MAP3K13: variants seen among roughly 807,000 people sequenced by gnomAD.
MAP3K13 encodes mitogen-activated protein kinase kinase kinase 13, also known as leucine zipper-bearing kinase.
Under a neutral mutation model 104.0 loss-of-function variants are expected in MAP3K13, and 52 were observed. The ratio of observed to expected loss-of-function variants is 0.50; its 90% CI spans 0.40 to 0.63. The LOEUF (loss-of-function observed/expected upper bound fraction) is 0.63, where lower values mean the gene tolerates loss of function less well. MAP3K13 is among the 20% of genes least tolerant of loss of function. MAP3K13 has a pLI of 0.00. For missense variants in MAP3K13, 914 were observed against 1,218.5 expected, an observed-to-expected ratio of 0.75 and a Z score of 3.72; for synonymous variants, 394 against 442.2, an observed-to-expected ratio of 0.89 and a Z score of 1.37.
chr3:185,309,091 C>T (rs1275246336), intron 2 of MAP3K13, among the ~76,000 whole-genome samples: 1 of 152,132 alleles, frequency 6.6e-6, no homozygotes, highest in East Asian at 1.9e-4. Context: ...CTCATCTTAA[C>T]TTGATTATAT....
chr3:185,389,699 A>AT (rs750432553), intron 1 of MAP3K13, among the ~76,000 whole-genome samples: 15 of 151,798 alleles, frequency 9.9e-5, no homozygotes, highest in Non-Finnish European at 2.1e-4. Context: ...TTCAGGACCG[A>AT]TAAAAAAAAA....
At chr3:185,429,974 C>T (rs945548983) in intron 2 of MAP3K13, among the ~76,000 whole-genome samples, 12 of 151,998 alleles carry the variant, frequency 7.9e-5, no homozygotes, top group African/African-American at 2.7e-4. Flanking sequence ...CTAAGGGGAG[C>T]GGATCACCTG....
intron 2 of MAP3K13, among the ~76,000 whole-genome samples, chr3:185,302,636 G>T (rs1374444441): frequency 1.3e-5 from 2 of 151,934 alleles, no homozygotes; most frequent in African/African-American, 2.4e-5. Flanking sequence ...TTTTCAGATT[G>T]GTCATTGTTA....
At position 185,443,521 on chromosome 3, in the gene MAP3K13, C is replaced by A. The variant is rs759336796; in HGVS notation, c.736C>A (p.Arg246=). The A allele has an allele frequency of 2.3e-5, 37 of 1,613,982 alleles. No individual in the cohort carries two copies. The Middle Eastern group carries it at 9.9e-4, about 43-fold the overall frequency. The stretch of plus-strand genomic sequence containing the variant: ...CCATGGACAACTCTACGAGGTCTTA[C>A]GAGCTGGCAGGAAGATCACACCTCG... ...CAHGQLYEVL[R]AGRKITPRLL... is the part of the protein sequence containing the mutation. Residue 246 remains arginine (R), a synonymous_variant, in exon 4 of 14, where the codon CGA becomes AGA. Coordinates refer to ENST00000265026, the MANE Select transcript of MAP3K13 (RefSeq NM_004721.5).
At chr3:185,331,961 C>T (rs2108708429) in intron 2 of MAP3K13, among the ~76,000 whole-genome samples, 1 of 152,174 alleles carries the variant, frequency 6.6e-6, no homozygotes. Context: ...TAGAGAGTGT[C>T]CTCATTTTTA....
At chr3:185,351,053 C>T (rs1394673075) in intron 2 of MAP3K13, among the ~76,000 whole-genome samples, 2 of 152,126 alleles carry the variant, frequency 1.3e-5, no homozygotes, top group Admixed American at 6.6e-5. Context: ...GATAATATTC[C>T]GTGCAGCAAC....
chr3:185,473,480 C>G lies in MAP3K13; in HGVS notation c.2149C>G (p.Gln717Glu). 1 of 1,614,236 alleles carries G rather than the reference C, an allele frequency of 6.2e-7. No homozygotes were observed. Among genetic ancestry groups the G allele is most frequent in the Non-Finnish European group, 8.5e-7 (1 of 1,180,044 alleles). Residue 717 changes from glutamine (Q) to glutamate (E), a missense_variant, in exon 11 of 14, where the codon CAA becomes GAA. By Grantham distance (29) the Gln-to-Glu change is conservative. Transcript: ENST00000265026. This position sits in a 1 kb window ranked among gnomAD's most constrained non-coding sequence, Gnocchi z 4.9. Reference protein sequence around the residue: ...CWRSSEPDKGQAGPWGCCQAD... With the variant: ...CWRSSEPDKGEAGPWGCCQAD... Reference sequence around the variant, plus strand: ...GAGAAGTTCTGAGCCTGACAAGGGCCAAGCTGGTCCCTGGGGCTGTTGCCA... The same window carrying G: ...GAGAAGTTCTGAGCCTGACAAGGGCGAAGCTGGTCCCTGGGGCTGTTGCCA...
intron 1 of MAP3K13, among the ~76,000 whole-genome samples, chr3:185,283,333 C>CT (rs1360271595): frequency 1.3e-5 from 2 of 152,058 alleles, no homozygotes; most frequent in Non-Finnish European, 2.9e-5. Context: ...GAGACGGAGC[C>CT]TGGGGCACTG....
chr3:185,463,476 T>C, intron 7 of MAP3K13, 74 bp from the exon 8 acceptor site: 1 of 817,380 alleles, frequency 1.2e-6, no homozygotes, highest in East Asian at 2.5e-5. Flanking sequence ...AAAAAAATCT[T>C]GTACGTGACT....
At chr3:185,320,932 A>C (rs1350485999) in intron 2 of MAP3K13, among the ~76,000 whole-genome samples, 1 of 152,224 alleles carries the variant, frequency 6.6e-6, no homozygotes, top group African/African-American at 2.4e-5. Flanking sequence ...GATTGGAAGC[A>C]TAGTACCAAT....
chr3:185,324,893 C>T (rs1266353749), intron 2 of MAP3K13, among the ~76,000 whole-genome samples: 1 of 151,692 alleles, frequency 6.6e-6, no homozygotes, highest in Non-Finnish European at 1.5e-5. Flanking sequence ...CATGTCTTTA[C>T]TTACAAGGTA....
chr3:185,418,883 G>T lies in MAP3K13; in HGVS notation c.-85-9614G>T. On this transcript the variant is annotated intron_variant, in intron 1 of 13. Coordinates refer to ENST00000265026, the MANE Select transcript of MAP3K13 (RefSeq NM_004721.5). The surrounding 1 kb of genome is among the most constrained non-coding windows in gnomAD (Gnocchi z 4.5). ...TTTGGGTTTCAGTTCTCTTAATCAT[G>T]ATCATTCTGCCTTTTCTAGAATCAA... 8.2e-7 allele frequency: 1 copy of T among 1,221,584 alleles called. No homozygotes were observed. Among genetic ancestry groups the T allele is most frequent in the Non-Finnish European group, 1.1e-6 (1 of 889,048 alleles). 75.7% of individuals were successfully genotyped at this position (1,221,584 alleles called of 1,614,324 possible).
chr3:185,433,366 C>A (rs563793590), intron 2 of MAP3K13, among the ~76,000 whole-genome samples: 1 of 152,232 alleles, frequency 6.6e-6, no homozygotes, highest in South Asian at 2.1e-4. Context: ...GACATAGAAG[C>A]AACGAAAAGT....
At chr3:185,323,021 T>C (rs1721919180) in intron 2 of MAP3K13, among the ~76,000 whole-genome samples, 1 of 152,210 alleles carries the variant, frequency 6.6e-6, no homozygotes, top group Admixed American at 6.5e-5. Flanking sequence ...GTTCTAATAA[T>C]TTTTAAAATG....
intron 1 of MAP3K13, among the ~76,000 whole-genome samples, chr3:185,392,522 C>T (rs934911195): frequency 6.6e-6 from 1 of 152,158 alleles, no homozygotes; most frequent in Non-Finnish European, 1.5e-5. Context: ...ACAGAGGAGG[C>T]AGTGAATTCA....
intron 2 of MAP3K13, among the ~76,000 whole-genome samples, chr3:185,322,300 A>C (rs995621658): frequency 1.3e-5 from 2 of 152,226 alleles, no homozygotes; most frequent in Non-Finnish European, 2.9e-5. Context: ...GCTTCACTGA[A>C]AGTGAAAGAA....
chr3:185,324,895 T>C (rs1201058746), intron 2 of MAP3K13, among the ~76,000 whole-genome samples: 1 of 152,200 alleles, frequency 6.6e-6, no homozygotes, highest in Non-Finnish European at 1.5e-5. Context: ...TGTCTTTACT[T>C]ACAAGGTATT....
At chr3:185,320,499 G>A (rs1380009585) in intron 2 of MAP3K13, among the ~76,000 whole-genome samples, 2 of 152,106 alleles carry the variant, frequency 1.3e-5, no homozygotes, top group Non-Finnish European at 2.9e-5. Flanking sequence ...ATTACATTAG[G>A]TTAATAAATG....
chr3:185,380,294 C>T (rs890887085), intron 1 of MAP3K13, among the ~76,000 whole-genome samples: 4 of 150,672 alleles, frequency 2.7e-5, no homozygotes, highest in East Asian at 2.0e-4. Context: ...AGGAGGATCA[C>T]GAGGTTAAGA....
Sources: gnomAD v4.1 joint callset for allele counts (sites outside exome capture counted in the v4.1 genomes callset) on GRCh38, gnomAD v4.1.1 for gene constraint, Gnocchi (gnomAD v3.1) non-coding constraint, MANE v1.5 for transcripts, NCBI Gene and HGNC (gene_info 2026-07-23, HGNC 2026-07-21) for gene names.